NRDE2: variants seen among roughly 807,000 people sequenced by gnomAD.
NRDE2 encodes NRDE-2, necessary for RNA interference, domain containing, also known as nuclear exosome regulator NRDE2.
In NRDE2, 76 loss-of-function variants were observed where a neutral mutation model predicts 124.2. The ratio of observed to expected loss-of-function variants is 0.61; its 90% CI spans 0.51 to 0.74. The LOEUF is 0.74. Ranked by LOEUF, NRDE2 falls within the 30% of genes least tolerant of loss-of-function variation. The pLI, the probability that NRDE2 is intolerant of heterozygous loss-of-function variation, is 0.00. For synonymous variants in NRDE2, 489 were observed against 528.1 expected (o/e 0.93, Z 1.01); for missense variants, 1,314 against 1,417.3 (o/e 0.93, Z 1.17).
Position 90,326,261 on chromosome 14 carries a change from G to A in NRDE2, c.64+5580C>T, listed in dbSNP as rs187894356. Among the ~76,000 whole-genome samples the A allele has an allele frequency of 2.4e-3, 362 of 152,148 alleles. 3 individuals carry two copies. Among genetic ancestry groups the A allele is most frequent in the African/African-American group, 8.5e-3 (353 of 41,516 alleles). On this transcript the variant is annotated intron_variant, in intron 1 of 13. Coordinates refer to ENST00000354366, the MANE Select transcript of NRDE2 (RefSeq NM_017970.4). ...TGTAATCCCAGCACTTTGGGAGGCC[G>A]AGGCGGGTGGATCATGAGGTCAGGA... is the stretch of plus-strand genomic sequence containing the variant.
chr14:90,299,907 G>A (rs570108394), intron 7 of NRDE2, among the ~76,000 whole-genome samples: 6 of 152,224 alleles, frequency 3.9e-5, no homozygotes, highest in East Asian at 1.9e-4. Context: ...GTTAAATCAC[G>A]CTACTGTGTT....
intron 4 of NRDE2, among the ~76,000 whole-genome samples, chr14:90,312,002 T>C (rs1884858508): frequency 6.6e-6 from 1 of 152,224 alleles, no homozygotes; most frequent in Non-Finnish European, 1.5e-5. Context: ...TGTCATTTTT[T>C]AAATGACAGA....
Position 90,274,422 on chromosome 14 carries a change from T to TTCTC in NRDE2, c.*3910_*3913dup, listed in dbSNP as rs1595049110. On this transcript the variant is annotated 3_prime_UTR_variant, in exon 14 of 14. Transcript: ENST00000354366. Reference sequence around the variant, plus strand: ...GTAAACAGGACAGTGGGAGCCAGGTTTCTCTGAGGAGTTAGACACAGAAAG... The same window carrying TTCTC: ...GTAAACAGGACAGTGGGAGCCAGGTTTCTCTCTCTGAGGAGTTAGACACAGAAAG... 6.5e-6 allele frequency: 1 copy of TTCTC among 153,778 alleles called. No homozygotes were observed. The highest frequency in any genetic ancestry group is 1.9e-4 in the East Asian group (1 of 5,180). 9.5% of individuals were successfully genotyped at this position (153,778 alleles called of 1,614,324 possible). A position where few individuals can be genotyped will look rare whatever the true frequency, so the allele number is the denominator to read the frequency against.
chr14:90,278,522 C>T, intron 13 of NRDE2, 61 bp from the exon 14 acceptor site: 3 of 1,599,196 alleles, frequency 1.9e-6, no homozygotes, highest in East Asian at 2.2e-5. Flanking sequence ...CCTGGAGGAG[C>T]TCAGGAAGCA....
chr14:90,289,303 T>C (rs1206037648), intron 10 of NRDE2, among the ~76,000 whole-genome samples, 158 bp from the exon 11 acceptor site: 2 of 152,150 alleles, frequency 1.3e-5, no homozygotes, highest in Non-Finnish European at 2.9e-5. Flanking sequence ...GGAAAAGAAA[T>C]AAGGATTTTT....
chr14:90,270,416 A>T lies in NRDE2; in HGVS notation c.*7920T>A, dbSNP rs1244355630. 6.5e-7 allele frequency: 1 copy of T among 1,538,676 alleles called. No individual in the cohort carries two copies. The highest frequency in any genetic ancestry group is 2.3e-5 in the East Asian group (1 of 43,186). On this transcript the variant is annotated 3_prime_UTR_variant, in exon 14 of 14. Coordinates refer to ENST00000354366, the MANE Select transcript of NRDE2 (RefSeq NM_017970.4). ...GGCCGTCAATCAGGAAAGAGTCTATATGTGCTCTTGGGATGGTGGTTGGCC... is the reference window on the plus strand; with the variant it reads ...GGCCGTCAATCAGGAAAGAGTCTATTTGTGCTCTTGGGATGGTGGTTGGCC...
At chr14:90,292,635 G>A in intron 9 of NRDE2, 62 bp downstream of exon 9, 2 of 1,554,882 alleles carry the variant, frequency 1.3e-6, no homozygotes, top group Non-Finnish European at 1.8e-6. Flanking sequence ...CAAAGCGCAT[G>A]GGAATGGAAA....
At chr14:90,301,152 A>G in intron 7 of NRDE2, 87 bp downstream of exon 7, 2 of 1,363,206 alleles carry the variant, frequency 1.5e-6, no homozygotes, top group Non-Finnish European at 2.1e-6. Flanking sequence ...CTCATTATCC[A>G]CACCACCTCT....
chr14:90,276,233 T>A lies in NRDE2; in HGVS notation c.*2103A>T. ...AAACGGGCTGTTTTTTTTTTTTTTT[T>A]TTCGAGACGGAGTCTTGCTGTGTCG... On this transcript the variant is annotated 3_prime_UTR_variant, in exon 14 of 14. Transcript: ENST00000354366. 6.6e-6 allele frequency: 1 copy of A among 150,630 alleles called. No homozygotes were observed. The highest frequency in any genetic ancestry group is 2.1e-4 in the South Asian group (1 of 4,692). The allele number at this position is 150,630 out of a possible 1,614,324, so 9.3% of individuals were successfully genotyped here.
In NRDE2 at chr14:90,277,014, G is replaced by A. The variant is rs549190514; in HGVS notation, c.*1322C>T. 2 of 152,326 alleles carry A rather than the reference G, an allele frequency of 1.3e-5. No homozygotes were observed. Among genetic ancestry groups the A allele is most frequent in the African/African-American group, 4.8e-5 (2 of 41,560 alleles). The allele number at this position is 152,326 out of a possible 1,614,324, so 9.4% of individuals were successfully genotyped here. On this transcript the variant is annotated 3_prime_UTR_variant, in exon 14 of 14. Coordinates refer to ENST00000354366, the MANE Select transcript of NRDE2 (RefSeq NM_017970.4). ...CAGGGAGGGGGAGCAAGTCCACCTC[G>A]GAGTGGAGCTCTCAACTTCCTCAAG...
intron 1 of NRDE2, among the ~76,000 whole-genome samples, chr14:90,319,876 T>TG (rs747998610): frequency 6.6e-6 from 1 of 152,264 alleles, no homozygotes; most frequent in Non-Finnish European, 1.5e-5. Flanking sequence ...TGGTAACTCA[T>TG]ATTTAACATT....
chr14:90,293,280 C>T (rs964642350), intron 8 of NRDE2, among the ~76,000 whole-genome samples: 1 of 151,252 alleles, frequency 6.6e-6, no homozygotes, highest in African/African-American at 2.4e-5. Flanking sequence ...GATGGAGTCT[C>T]GCTGTTGTCG....
chr14:90,310,653 G>A (rs1003291598), intron 4 of NRDE2, among the ~76,000 whole-genome samples: 1 of 152,000 alleles, frequency 6.6e-6, no homozygotes, highest in Non-Finnish European at 1.5e-5. Context: ...CCTAGCAGCT[G>A]GGATTACAGG....
chr14:90,314,869 T>C (rs546683144), intron 3 of NRDE2, among the ~76,000 whole-genome samples: 2 of 151,954 alleles, frequency 1.3e-5, no homozygotes, highest in Admixed American at 6.6e-5. Context: ...TATTTTTTCC[T>C]CTAAAGAGCA....
At chr14:90,323,002 C>T (rs1433049135) in intron 1 of NRDE2, among the ~76,000 whole-genome samples, 1 of 152,192 alleles carries the variant, frequency 6.6e-6, no homozygotes, top group African/African-American at 2.4e-5. Flanking sequence ...GCTGACAAGG[C>T]TTTTGTCCTT....
chr14:90,329,633 T>C (rs1251387845), intron 1 of NRDE2, among the ~76,000 whole-genome samples: 1 of 151,426 alleles, frequency 6.6e-6, no homozygotes, highest in African/African-American at 2.4e-5. Context: ...GCTCAGGAGT[T>C]CAAGACCAGC....
chr14:90,298,346 T>C lies in NRDE2; in HGVS notation c.1580A>G (p.Glu527Gly). ...GGCTCCCTTCTCCCCAGCCCGGGGC[T>C]CTCCACTGTCCCAAAAGGGTTCAAA... Reference protein sequence around the residue: ...EFFEPFWDSGEPRAGEKGARG... With the variant: ...EFFEPFWDSGGPRAGEKGARG... Residue 527 changes from glutamate to glycine, a missense_variant, in exon 8 of 14, where the codon GAG becomes GGG. Coordinates refer to ENST00000354366, the MANE Select transcript of NRDE2 (RefSeq NM_017970.4). The C allele has an allele frequency of 1.2e-6, 2 of 1,613,710 alleles. No individual in the cohort carries two copies. Among genetic ancestry groups the C allele is most frequent in the Non-Finnish European group, 1.7e-6 (2 of 1,179,968 alleles).
intron 1 of NRDE2, among the ~76,000 whole-genome samples, chr14:90,328,320 A>AG (rs1212391805): frequency 1.3e-3 from 112 of 83,102 alleles, no homozygotes; most frequent in African/African-American, 3.5e-3. Context: ...AAAAAAAAAA[A>AG]AAAGAAAAAA....
chr14:90,283,244 A>G (rs1000703424), intron 12 of NRDE2, among the ~76,000 whole-genome samples: 4 of 152,228 alleles, frequency 2.6e-5, no homozygotes, highest in Non-Finnish European at 5.9e-5. Flanking sequence ...CTTAGTTCCA[A>G]TACTACCTTT....
Sources: allele counts gnomAD v4.1 joint callset (sites outside exome capture counted in the v4.1 genomes callset), GRCh38; gene constraint gnomAD v4.1.1; transcripts MANE v1.5; gene names NCBI Gene and HGNC (gene_info 2026-07-23, HGNC 2026-07-21).